Variants in MPHOSPH10 observed in about 807,000 individuals in gnomAD.
MPHOSPH10 encodes U3 small nucleolar ribonucleoprotein MPP10.
A neutral mutation model predicts 77.3 loss-of-function variants in MPHOSPH10; 33 were observed. The observed-to-expected ratio is 0.43, with a 90% CI of 0.32 to 0.57. The LOEUF (loss-of-function observed/expected upper bound fraction) is 0.57, where lower values mean the gene tolerates loss of function less well. Among genes scored for constraint, MPHOSPH10 ranks in the 20% least tolerant of loss-of-function variants. The probability of loss-of-function intolerance (pLI) is 0.07; values close to 1 mark genes in which losing one functional copy is unlikely to be tolerated. For missense variants in MPHOSPH10, 708 were observed against 780.1 expected, an observed-to-expected ratio of 0.91 and a Z score of 1.10; for synonymous variants, 245 against 268.0, an observed-to-expected ratio of 0.91 and a Z score of 0.84.
At chr2:71,142,308 C>A (rs906260425) in intron 7 of MPHOSPH10, among the ~76,000 whole-genome samples, 1 of 152,182 alleles carries the variant, frequency 6.6e-6, no homozygotes, top group Non-Finnish European at 1.5e-5. Context: ...AATTAAAATT[C>A]TTCCTGGCTG....
At chr2:71,135,285 C>T (rs568644352) in intron 4 of MPHOSPH10, among the ~76,000 whole-genome samples, 47 of 152,128 alleles carry the variant, frequency 3.1e-4, no homozygotes, top group African/African-American at 1.1e-3. Flanking sequence ...GTGGCTCATG[C>T]CTGTAATCCC....
chr2:71,136,740 G>GAAAC (rs750264860), intron 4 of MPHOSPH10, among the ~76,000 whole-genome samples: 11 of 151,528 alleles, frequency 7.3e-5, no homozygotes, highest in Non-Finnish European at 1.3e-4. Context: ...AAGAAAGAAA[G>GAAAC]GTTTGGTTTT....
rs776945255 is a variant in MPHOSPH10 at position 71,130,683 on chromosome 2, G to C, written c.18G>C (p.Trp6Cys). The C allele has an allele frequency of 9.9e-6, 16 of 1,610,034 alleles. No individual in the cohort carries two copies. The African/African-American group carries it at 1.9e-4, about 19-fold the overall frequency. The change falls in exon 1 of 11, where the codon TGG (tryptophan) becomes TGC (cysteine). Residue 6 changes from tryptophan to cysteine, a missense_variant. Physicochemically the swap from Trp to Cys is radical, Grantham distance 215 (BLOSUM62 -2). Coordinates refer to ENST00000244230, the MANE Select transcript of MPHOSPH10 (RefSeq NM_005791.3). MAPQV[W>C]RRRTLERCLT... Reference sequence around the variant, plus strand: ...TGACAGCCATGGCGCCGCAGGTCTGGCGTCGACGGACCCTGGAGCGGTGTC... The same window carrying C: ...TGACAGCCATGGCGCCGCAGGTCTGCCGTCGACGGACCCTGGAGCGGTGTC...
chr2:71,148,297 A>G, intron 9 of MPHOSPH10, 191 bp downstream of exon 9: 1 of 531,374 alleles, frequency 1.9e-6, no homozygotes, highest in Non-Finnish European at 3.4e-6. Context: ...TGGCTTTATT[A>G]TGAGGTACAG....
In MPHOSPH10 at chr2:71,138,559, G is replaced by A. The variant is rs755192046; in HGVS notation, c.1168G>A (p.Val390Met). 72 of 1,613,502 alleles carry A rather than the reference G, an allele frequency of 4.5e-5. 1 individual carries two copies. The South Asian group carries it at 7.0e-4, about 16-fold the overall frequency. The change falls in exon 5 of 11, where the codon GTG becomes ATG. Residue 390 changes from valine to methionine, a missense_variant. By Grantham distance (21) the Val-to-Met change is conservative. Around this residue, in one of 3 missense-constraint regions of MPHOSPH10, gnomAD observed 12 missense variants for 27.6 expected, o/e 0.44. Coordinates refer to ENST00000244230, the MANE Select transcript of MPHOSPH10 (RefSeq NM_005791.3). The stretch of plus-strand genomic sequence containing the variant: ...AAAGCCGTGGCAGCTTCAGGGGGAA[G>A]TGACAGCACAGAAGAGGCCAGAGAA... ...EKKPWQLQGEVTAQKRPENSL... is the reference protein window; with the variant it reads ...EKKPWQLQGEMTAQKRPENSL...
chr2:71,130,909 A>C (rs1230411292), intron 1 of MPHOSPH10, 155 bp downstream of exon 1: 2 of 677,838 alleles, frequency 3.0e-6, no homozygotes, highest in Non-Finnish European at 4.8e-6. Flanking sequence ...TAGGCTATCA[A>C]AATTTTAAAA....
At position 71,134,756 on chromosome 2, in the gene MPHOSPH10, T is replaced by G; in HGVS notation, c.1057T>G (p.Ser353Ala). 1 of 1,604,346 alleles carries G rather than the reference T, an allele frequency of 6.2e-7. No homozygotes were observed. The highest frequency in any genetic ancestry group is 8.5e-7 in the Non-Finnish European group (1 of 1,175,748). ...AGGTGTTTTAAATGTAAAGAAAAATTCTGATGAAGTTAAATCCTCCTTTGA... is the reference window on the plus strand; with the variant it reads ...AGGTGTTTTAAATGTAAAGAAAAATGCTGATGAAGTTAAATCCTCCTTTGA... ...DTGVLNVKKN[S>A]DEVKSSFEKR... is the part of the protein sequence containing the mutation. The change falls in exon 4 of 11, where the codon TCT (serine) becomes GCT (alanine). Residue 353 changes from serine (S) to alanine (A), a missense_variant. Around this residue, in one of 3 missense-constraint regions of MPHOSPH10, gnomAD observed 433 missense variants for 432.6 expected, o/e 1.00. Coordinates refer to ENST00000244230, the MANE Select transcript of MPHOSPH10 (RefSeq NM_005791.3).
Position 71,149,148 on chromosome 2 carries a change from T to G in MPHOSPH10, c.1666-75T>G. 3 of 1,350,478 alleles carry G rather than the reference T, an allele frequency of 2.2e-6. No individual in the cohort carries two copies. In the South Asian group the frequency reaches 4.3e-5, roughly 19 times the overall value. The allele number at this position is 1,350,478 out of a possible 1,614,324, so 83.7% of individuals were successfully genotyped here. ...TGCACAGCCTGCTTGCTGGCTACCC[T>G]GCAGTTTCTTCCATTCCAGTTTCCT... is the stretch of plus-strand genomic sequence containing the variant. On this transcript the variant is annotated intron_variant, in intron 9 of 10. Coordinates refer to ENST00000244230, the MANE Select transcript of MPHOSPH10 (RefSeq NM_005791.3).
intron 1 of MPHOSPH10, among the ~76,000 whole-genome samples, chr2:71,131,091 G>A (rs1450091993): frequency 3.9e-5 from 6 of 152,236 alleles, no homozygotes; most frequent in Middle Eastern, 3.4e-3. Context: ...TTAGCGCTTA[G>A]CATACTTTAT....
Position 71,144,476 on chromosome 2 carries a change from A to C in MPHOSPH10, c.1495A>C (p.Met499Leu). Residue 499 changes from methionine (M) to leucine (L), a missense_variant, in exon 8 of 11, where the codon ATG becomes CTG. Physicochemically the swap from Met to Leu is conservative, Grantham distance 15 (BLOSUM62 2). This residue lies in a region of MPHOSPH10 where 263 missense variants were observed against 320.0 expected (regional missense o/e 0.82). Coordinates refer to ENST00000244230, the MANE Select transcript of MPHOSPH10 (RefSeq NM_005791.3). ...ENPEHVEIQK[M>L]MDSLFLKLDA... ...TCCAGAACATGTAGAAATTCAGAAG[A>C]TGATGGATTCCCTCTTCTTAAAATT... 2.5e-6 allele frequency: 4 copies of C among 1,614,206 alleles called. No homozygotes were observed. The highest frequency in any genetic ancestry group is 3.4e-6 in the Non-Finnish European group (4 of 1,180,028).
At position 71,149,900 on chromosome 2, in the gene MPHOSPH10, A is replaced by G; in HGVS notation, c.1931A>G (p.Gln644Arg). The G allele has an allele frequency of 6.4e-7, 1 of 1,574,352 alleles. No homozygotes were observed. The highest frequency in any genetic ancestry group is 8.6e-7 in the Non-Finnish European group (1 of 1,168,804). Residue 644 changes from glutamine (Q) to arginine (R), a missense_variant, in exon 11 of 11, where the codon CAA becomes CGA. Physicochemically the swap from Gln to Arg is conservative, Grantham distance 43 (BLOSUM62 1). Transcript: ENST00000244230. Reference sequence around the variant, plus strand: ...AAAGACAAGGCCTTAAAGTCCTCTCAAGCATTCTTTTCTAAATTACAAGAT... The same window carrying G: ...AAAGACAAGGCCTTAAAGTCCTCTCGAGCATTCTTTTCTAAATTACAAGAT... Reference protein sequence around the residue: ...EGKDKALKSSQAFFSKLQDQV... With the variant: ...EGKDKALKSSRAFFSKLQDQV...
chr2:71,148,294 A>G (rs866880133), intron 9 of MPHOSPH10, 188 bp downstream of exon 9: 3 of 533,574 alleles, frequency 5.6e-6, no homozygotes, highest in Admixed American at 3.1e-5. Flanking sequence ...TTCTGGCTTT[A>G]TTATGAGGTA....
chr2:71,146,450 C>T (rs1275382275), intron 8 of MPHOSPH10, among the ~76,000 whole-genome samples: 1 of 151,236 alleles, frequency 6.6e-6, no homozygotes, highest in East Asian at 2.0e-4. Flanking sequence ...ATTCTCCTGC[C>T]TCGGCCTCCC....
intron 3 of MPHOSPH10, 98 bp downstream of exon 3, chr2:71,134,203 A>T (rs1355802614): frequency 3.5e-6 from 4 of 1,139,780 alleles, no homozygotes; most frequent in Non-Finnish European, 4.9e-6. Flanking sequence ...AGCAAGTTCT[A>T]TTCTCTAATA....
chr2:71,141,239 A>G lies in MPHOSPH10; in HGVS notation c.1316A>G (p.Asp439Gly). Residue 439 changes from aspartate (D) to glycine (G), a missense_variant, in exon 7 of 11, where the codon GAT becomes GGT. This residue lies in a region of MPHOSPH10 where 263 missense variants were observed against 320.0 expected (regional missense o/e 0.82). Transcript: ENST00000244230. ...IKQRIRDQAW[D>G]DVVRKEKPKE... Reference sequence around the variant, plus strand: ...CTGCACTTTATGTTTCAGGCTTGGGATGATGTAGTACGTAAAGAAAAACCT... The same window carrying G: ...CTGCACTTTATGTTTCAGGCTTGGGGTGATGTAGTACGTAAAGAAAAACCT... 1.4e-6 allele frequency: 2 copies of G among 1,476,220 alleles called. No individual in the cohort carries two copies. Among genetic ancestry groups the G allele is most frequent in the Non-Finnish European group, 1.8e-6 (2 of 1,111,572 alleles). The allele number at this position is 1,476,220 out of a possible 1,614,324, so 91.4% of individuals were successfully genotyped here.
intron 9 of MPHOSPH10, 23 bp from the exon 10 acceptor site, chr2:71,149,200 G>A: frequency 2.6e-6 from 4 of 1,527,204 alleles, no homozygotes; most frequent in Non-Finnish European, 3.5e-6. Flanking sequence ...GAATGAATAT[G>A]TTGGTGGTTA....
chr2:71,134,979 C>T (rs1673457441), intron 4 of MPHOSPH10, among the ~76,000 whole-genome samples, 182 bp downstream of exon 4: 1 of 152,126 alleles, frequency 6.6e-6, no homozygotes, highest in South Asian at 2.1e-4. Context: ...CCAGCCTAGG[C>T]AACATAGTGA....
At chr2:71,140,219 C>G (rs1673585951) in intron 6 of MPHOSPH10, among the ~76,000 whole-genome samples, 1 of 152,110 alleles carries the variant, frequency 6.6e-6, no homozygotes, top group Non-Finnish European at 1.5e-5. Flanking sequence ...ATGTCCTAGT[C>G]TTTTTTCTGT....
At chr2:71,136,848 C>CT (rs60456435) in intron 4 of MPHOSPH10, among the ~76,000 whole-genome samples, 1,364 of 118,622 alleles carry the variant, frequency 0.011, 78 homozygotes, top group African/African-American at 0.041. Flanking sequence ...AACTTTCAAC[C>CT]TTTTTTTTTT....
Sources: gnomAD v4.1 joint callset for allele counts (sites outside exome capture counted in the v4.1 genomes callset) on GRCh38, gnomAD v4.1.1 for gene constraint, gnomAD v4.1.1 regional missense constraint, MANE v1.5 for transcripts, NCBI Gene and HGNC (gene_info 2026-07-23, HGNC 2026-07-21) for gene names.